SLCO3A1: variants seen among roughly 807,000 people sequenced by gnomAD.
SLCO3A1 encodes PGE1 transporter.
In SLCO3A1, 27 loss-of-function variants were observed where a neutral mutation model predicts 63.1. The observed-to-expected ratio is 0.43, with a 90% CI of 0.32 to 0.59. The LOEUF (loss-of-function observed/expected upper bound fraction) is 0.59, where lower values mean the gene tolerates loss of function less well. SLCO3A1 is among the 20% of genes least tolerant of loss of function. The pLI is 0.09. For missense variants in SLCO3A1, 773 were observed against 945.8 expected (o/e 0.82, Z 2.40); for synonymous variants, 473 against 409.9 (o/e 1.15, Z -1.86).
intron 4 of SLCO3A1, among the ~76,000 whole-genome samples, chr15:92,117,850 C>T (rs999681078): frequency 1.3e-5 from 2 of 152,208 alleles, no homozygotes; most frequent in African/African-American, 4.8e-5. Context: ...CCAATGAATT[C>T]ATCTGTATTT....
chr15:92,026,316 G>A (rs2046573287), intron 2 of SLCO3A1, among the ~76,000 whole-genome samples: 1 of 152,240 alleles, frequency 6.6e-6, no homozygotes, highest in Non-Finnish European at 1.5e-5. Flanking sequence ...GAAGGCAGGT[G>A]TGTGTTCCTT....
intron 9 of SLCO3A1, among the ~76,000 whole-genome samples, chr15:92,157,486 G>A (rs533801452): frequency 1.3e-5 from 2 of 149,680 alleles, no homozygotes; most frequent in Admixed American, 1.3e-4. Context: ...ATGATGATGT[G>A]GAGAAATTTT....
At chr15:92,171,025 C>T (rs926605103) in intron 10 of SLCO3A1, 3 of 152,152 alleles carry the variant, frequency 2.0e-5, no homozygotes, top group East Asian at 1.9e-4. Flanking sequence ...TTCACAATCC[C>T]GAGGAAAGGA....
Position 92,147,268 on chromosome 15 carries a change from C to T in SLCO3A1, c.1688+109C>T, listed in dbSNP as rs2048239776. Reference sequence around the variant, plus strand: ...ACAGGAATCTCTCGAACCAGGTGAGCTAGGGCCACAGCAAGGAGCGCAGCT... The same window carrying T: ...ACAGGAATCTCTCGAACCAGGTGAGTTAGGGCCACAGCAAGGAGCGCAGCT... On this transcript the variant is annotated intron_variant, in intron 8 of 9. Transcript: ENST00000318445. 2.7e-6 allele frequency: 3 copies of T among 1,115,366 alleles called. No individual in the cohort carries two copies. In the East Asian group the frequency reaches 7.3e-5, roughly 27 times the overall value. 69.1% of individuals were successfully genotyped at this position (1,115,366 alleles called of 1,614,324 possible). A position where few individuals can be genotyped will look rare whatever the true frequency, so the allele number is the denominator to read the frequency against.
intron 2 of SLCO3A1, among the ~76,000 whole-genome samples, chr15:92,037,029 T>C (rs1267910682): frequency 6.6e-6 from 1 of 152,140 alleles, no homozygotes; most frequent in Non-Finnish European, 1.5e-5. Context: ...GAGTGCTGAG[T>C]ATACAGAAGC....
exon 11 of SLCO3A1, chr15:92,172,131 C>A: frequency 2.8e-6 from 1 of 355,896 alleles, no homozygotes; most frequent in Non-Finnish European, 5.1e-6. Context: ...TGTGCAAATT[C>A]CCTTCCACCC....
intron 2 of SLCO3A1, among the ~76,000 whole-genome samples, chr15:92,077,674 G>A (rs1330669766): frequency 2.0e-5 from 3 of 152,206 alleles, no homozygotes; most frequent in African/African-American, 7.2e-5. Flanking sequence ...CCCAAGTAGA[G>A]GCCCCATGCC....
intron 2 of SLCO3A1, among the ~76,000 whole-genome samples, chr15:92,026,810 C>T (rs150091666): frequency 0.012 from 1,835 of 152,240 alleles, 47 homozygotes; most frequent in African/African-American, 0.042. Context: ...AGATTATGGC[C>T]GGGCACAGTG....
Position 91,967,524 on chromosome 15 carries a change from C to T in SLCO3A1, c.646+51066C>T, listed in dbSNP as rs1004448070. Among the ~76,000 whole-genome samples the T allele has an allele frequency of 3.3e-5, 5 of 152,156 alleles. No individual in the cohort carries two copies. The highest frequency in any genetic ancestry group is 4.4e-5 in the Non-Finnish European group (3 of 68,030). ...CTGAGGTGCCGTTGTGGGGACATAA[C>T]GCAGAAGCGTTGCCACAGGATAAAG... is the stretch of plus-strand genomic sequence containing the variant. On this transcript the variant is annotated intron_variant, in intron 2 of 9. Transcript: ENST00000318445. The surrounding 1 kb of genome is among the most constrained non-coding windows in gnomAD (Gnocchi z 4.4).
intron 7 of SLCO3A1, among the ~76,000 whole-genome samples, chr15:92,142,828 A>G (rs1027832266): frequency 6.6e-6 from 1 of 152,140 alleles, no homozygotes; most frequent in Non-Finnish European, 1.5e-5. Flanking sequence ...GGAGGGATTT[A>G]ACACTTTTTA....
At chr15:92,094,002 A>C (rs891670093) in intron 2 of SLCO3A1, among the ~76,000 whole-genome samples, 4 of 152,146 alleles carry the variant, frequency 2.6e-5, no homozygotes, top group Admixed American at 2.0e-4. Context: ...GGGAAGGGCC[A>C]CTTTCTGGAC....
intron 2 of SLCO3A1, among the ~76,000 whole-genome samples, chr15:92,073,041 C>G (rs879305698): frequency 1.3e-5 from 2 of 152,144 alleles, no homozygotes; most frequent in Non-Finnish European, 2.9e-5. Context: ...TCAGATCCCA[C>G]CCCTTTCCCC....
chr15:91,999,244 T>G (rs183486434), intron 2 of SLCO3A1, among the ~76,000 whole-genome samples: 1 of 152,292 alleles, frequency 6.6e-6, no homozygotes, highest in Non-Finnish European at 1.5e-5. Flanking sequence ...AATAGACCTG[T>G]GTAACAAACA....
intron 2 of SLCO3A1, among the ~76,000 whole-genome samples, chr15:92,067,340 C>T (rs2047163901): frequency 6.6e-6 from 1 of 152,212 alleles, no homozygotes; most frequent in Admixed American, 6.5e-5. Context: ...GTTTCTTCAG[C>T]CTGGGCTGCC....
chr15:91,987,219 A>G (rs1314855096), intron 2 of SLCO3A1, among the ~76,000 whole-genome samples: 2 of 152,216 alleles, frequency 1.3e-5, no homozygotes, highest in African/African-American at 4.8e-5. Context: ...TTGTGTCGGT[A>G]GGTGCCACAT....
rs927469926 is a variant in SLCO3A1, at chr15:91,950,953, G to C, written c.646+34495G>C. Among the ~76,000 whole-genome samples the C allele has an allele frequency of 6.6e-6, 1 of 152,252 alleles. No individual in the cohort carries two copies. Among genetic ancestry groups the C allele is most frequent in the South Asian group, 2.1e-4 (1 of 4,816 alleles). On this transcript the variant is annotated intron_variant, in intron 2 of 9. Coordinates refer to ENST00000318445, the MANE Select transcript of SLCO3A1 (RefSeq NM_013272.4). The surrounding 1 kb of genome is among the most constrained non-coding windows in gnomAD (Gnocchi z 4.4). The stretch of plus-strand genomic sequence containing the variant: ...TCTCTGGCTTTCACTTCATTTGACA[G>C]GTGAGCTGAAGCTATTGTGTGTATT...
chr15:92,046,355 A>T (rs1377576041), intron 2 of SLCO3A1, among the ~76,000 whole-genome samples: 2 of 151,842 alleles, frequency 1.3e-5, no homozygotes, highest in Non-Finnish European at 2.9e-5. Flanking sequence ...TCTCTACTAA[A>T]AATACCAAAA....
At chr15:91,887,914 G>C (rs1897767190) in intron 1 of SLCO3A1, among the ~76,000 whole-genome samples, 2 of 152,166 alleles carry the variant, frequency 1.3e-5, no homozygotes, top group Admixed American at 1.3e-4. Flanking sequence ...TTTGTGAAAA[G>C]CACCTTGTTC....
At chr15:92,099,527 C>G (rs1013887241) in intron 3 of SLCO3A1, among the ~76,000 whole-genome samples, 2 of 151,962 alleles carry the variant, frequency 1.3e-5, no homozygotes, top group Non-Finnish European at 2.9e-5. Flanking sequence ...TTCTCACAAT[C>G]TCAAGTATCC....
Sources: allele counts gnomAD v4.1 joint callset (sites outside exome capture counted in the v4.1 genomes callset), GRCh38; gene constraint gnomAD v4.1.1; non-coding constraint Gnocchi (gnomAD v3.1); transcripts MANE v1.5; gene names NCBI Gene and HGNC (gene_info 2026-07-23, HGNC 2026-07-21).